DPYD: variants seen among roughly 807,000 people sequenced by gnomAD.
The protein encoded by DPYD is dihydropyrimidine dehydrogenase, also known as dihydropyrimidine dehydrogenase [NADP(+)].
In DPYD, 109 loss-of-function variants were observed where a neutral mutation model predicts 116.2. That is an observed-to-expected ratio of 0.94 (90% CI 0.80 to 1.10). The LOEUF (loss-of-function observed/expected upper bound fraction) is 1.10, where lower values mean the gene tolerates loss of function less well. Among genes scored for constraint, DPYD ranks in the 50% least tolerant of loss-of-function variants. The pLI, the probability that DPYD is intolerant of heterozygous loss-of-function variation, is 0.00. For missense variants in DPYD, 1,302 were observed against 1,254.5 expected, an observed-to-expected ratio of 1.04 and a Z score of -0.57; for synonymous variants, 440 against 432.0, an observed-to-expected ratio of 1.02 and a Z score of -0.23.
At chr1:97,657,801 C>T (rs963702069) in intron 8 of DPYD, among the ~76,000 whole-genome samples, 1 of 152,122 alleles carries the variant, frequency 6.6e-6, no homozygotes, top group Non-Finnish European at 1.5e-5. Flanking sequence ...TATTATATAA[C>T]TAGCAGAAAA....
intron 8 of DPYD, among the ~76,000 whole-genome samples, chr1:97,675,902 C>T (rs994612924): frequency 6.6e-6 from 1 of 151,910 alleles, no homozygotes; most frequent in Non-Finnish European, 1.5e-5. Context: ...GTGCACACCA[C>T]CACACCCAGC....
intron 13 of DPYD, among the ~76,000 whole-genome samples, chr1:97,462,392 T>C (rs1570772251): frequency 6.6e-6 from 1 of 152,198 alleles, no homozygotes; most frequent in African/African-American, 2.4e-5. Context: ...TAGCTTCTCC[T>C]TCTGTAAAAG....
chr1:97,265,311 C>T (rs1664160149), intron 18 of DPYD: 2 of 152,266 alleles, frequency 1.3e-5, no homozygotes, highest in Non-Finnish European at 2.9e-5. Flanking sequence ...AAAGTCCCAT[C>T]TCTTTTTCTA....
intron 1 of DPYD, among the ~76,000 whole-genome samples, chr1:97,913,116 C>G (rs1314111617): frequency 6.6e-6 from 1 of 152,082 alleles, no homozygotes; most frequent in Non-Finnish European, 1.5e-5. Context: ...ATCACCCTTA[C>G]ACAGAACTCC....
chr1:97,163,663 C>G (rs771352802), intron 20 of DPYD, among the ~76,000 whole-genome samples: 2 of 152,136 alleles, frequency 1.3e-5, no homozygotes, highest in Non-Finnish European at 2.9e-5. Context: ...TCTGTCCTCA[C>G]TTTGTGGAAG....
intron 20 of DPYD, among the ~76,000 whole-genome samples, chr1:97,108,673 G>A (rs1384793311): frequency 6.6e-6 from 1 of 151,902 alleles, no homozygotes. Flanking sequence ...AAAATTAATA[G>A]AACTAAAAAT....
At chr1:97,557,361 G>GC in intron 11 of DPYD, among the ~76,000 whole-genome samples, 1 of 134,840 alleles carries the variant, frequency 7.4e-6, no homozygotes, top group South Asian at 2.3e-4. Flanking sequence ...AGTCTGGAGT[G>GC]CAGTGGCATG....
At chr1:97,274,549 C>T (rs1296464384) in intron 18 of DPYD, among the ~76,000 whole-genome samples, 1 of 152,066 alleles carries the variant, frequency 6.6e-6, no homozygotes, top group Non-Finnish European at 1.5e-5. Context: ...TATAAATTAC[C>T]CAGCCTTGGG....
Position 97,227,752 on chromosome 1 carries a change from G to A in DPYD, c.2442+7100C>T, listed in dbSNP as rs1661287439. On this transcript the variant is annotated intron_variant, in intron 19 of 22. Coordinates refer to ENST00000370192, the MANE Select transcript of DPYD (RefSeq NM_000110.4). ...TATGGGATAATATGTGACCACTGAA[G>A]GTAGCACTATATACCGAAGTATGTT... Among the ~76,000 whole-genome samples the A allele has an allele frequency of 2.6e-5, 4 of 151,926 alleles. No individual in the cohort carries two copies. The South Asian group carries it at 8.3e-4, about 32-fold the overall frequency.
intron 3 of DPYD, among the ~76,000 whole-genome samples, 164 bp from the exon 4 acceptor site, chr1:97,740,643 A>G (rs938737599): frequency 1.4e-4 from 22 of 152,110 alleles, no homozygotes; most frequent in Non-Finnish European, 1.5e-4. Flanking sequence ...TCTGTGTTTC[A>G]TCTTTGGCAC....
At chr1:97,082,901 G>A (rs1370565956) in intron 21 of DPYD, among the ~76,000 whole-genome samples, 2 of 152,104 alleles carry the variant, frequency 1.3e-5, no homozygotes, top group African/African-American at 4.8e-5. Context: ...GGGAATACGA[G>A]TGTGAATGTT....
At chr1:97,745,073 C>A (rs1358059821) in intron 3 of DPYD, among the ~76,000 whole-genome samples, 1 of 152,034 alleles carries the variant, frequency 6.6e-6, no homozygotes, top group Non-Finnish European at 1.5e-5. Context: ...CTCTGTGCTT[C>A]TCTTAATAAT....
chr1:97,839,055 T>C (rs975193355), intron 2 of DPYD, among the ~76,000 whole-genome samples: 13 of 152,254 alleles, frequency 8.5e-5, no homozygotes, highest in Admixed American at 2.6e-4. Context: ...CCTTACACCT[T>C]GGTTAAACCA....
intron 3 of DPYD, among the ~76,000 whole-genome samples, chr1:97,798,479 G>C (rs1243266132): frequency 2.6e-5 from 4 of 151,790 alleles, no homozygotes; most frequent in Non-Finnish European, 5.9e-5. Flanking sequence ...TCAATCCTGT[G>C]AGGCAGGTAC....
In DPYD at chr1:97,832,045, T is replaced by TTTTGTGTG. The variant is rs373676873; in HGVS notation, c.151-3850_151-3849insCACACAAA. Among the ~76,000 whole-genome samples the TTTTGTGTG allele has an allele frequency of 1.6e-4, 22 of 134,012 alleles. No individual in the cohort carries two copies. The East Asian group carries it at 2.1e-3, about 13-fold the overall frequency. 87.9% of individuals were successfully genotyped at this position (134,012 alleles called of 152,430 possible). On this transcript the variant is annotated intron_variant, in intron 2 of 22. Transcript: ENST00000370192. Reference sequence around the variant, plus strand: ...CATTATAGCTTTAATATATAATGTATTGTGTGTGTGTGTGTGTGTGTGTGT... The same window carrying TTTTGTGTG: ...CATTATAGCTTTAATATATAATGTATTTTGTGTGTGTGTGTGTGTGTGTGTGTGTGTGT...
rs1656126727 is a variant in DPYD at position 97,614,186 on chromosome 1, AT to A, written c.851-19021del. 2.0e-5 allele frequency among the ~76,000 whole-genome samples: 3 copies of A among 151,976 alleles called. No individual in the cohort carries two copies. The South Asian group carries it at 6.2e-4, about 32-fold the overall frequency. ...GTATCAAACAGAATCCCTACAAAAA[AT>A]AAATGTCACACTTAAATTAGGATAA... On this transcript the variant is annotated intron_variant, in intron 8 of 22. Transcript: ENST00000370192.
chr1:97,477,432 C>T (rs1046131949), intron 13 of DPYD, among the ~76,000 whole-genome samples: 1 of 152,154 alleles, frequency 6.6e-6, no homozygotes, highest in African/African-American at 2.4e-5. Flanking sequence ...AAGTTTTGAA[C>T]TTCACTTGAA....
At chr1:97,207,900 C>G (rs889389803) in intron 19 of DPYD, among the ~76,000 whole-genome samples, 3 of 152,114 alleles carry the variant, frequency 2.0e-5, no homozygotes, top group African/African-American at 7.2e-5. Flanking sequence ...ATTTCAAGTT[C>G]ATAAAGTTCA....
intron 19 of DPYD, among the ~76,000 whole-genome samples, chr1:97,217,635 CAAA>C (rs775186309): frequency 2.3e-5 from 3 of 131,282 alleles, no homozygotes; most frequent in Non-Finnish European, 3.3e-5. Flanking sequence ...TTATCTGTAC[CAAA>C]AAAAAAAAAA....
Sources: gnomAD v4.1 joint callset for allele counts (sites outside exome capture counted in the v4.1 genomes callset) on GRCh38, gnomAD v4.1.1 for gene constraint, MANE v1.5 for transcripts, NCBI Gene and HGNC (gene_info 2026-07-23, HGNC 2026-07-21) for gene names.